The following COX7A2L variants were observed in gnomAD, a reference collection of about 807,000 sequenced individuals.
The protein encoded by COX7A2L is cytochrome c oxidase subunit 7A2 like.
A neutral mutation model predicts 14.2 loss-of-function variants in COX7A2L; 18 were observed. That is an observed-to-expected ratio of 1.27 (90% CI 0.88 to 1.88). COX7A2L has a LOEUF of 1.88. Among genes scored for constraint, COX7A2L ranks in the 40% most tolerant of loss-of-function variants. The pLI is 0.00. For synonymous variants in COX7A2L, 65 were observed against 57.4 expected, an observed-to-expected ratio of 1.13 and a Z score of -0.60; for missense variants, 179 against 138.8, an observed-to-expected ratio of 1.29 and a Z score of -1.46.
At chr2:42,360,605 C>G (rs1389700026) in intron 1 of COX7A2L, among the ~76,000 whole-genome samples, 1 of 152,154 alleles carries the variant, frequency 6.6e-6, no homozygotes, top group Non-Finnish European at 1.5e-5. Flanking sequence ...ATTTCCCAAC[C>G]CAGATCATAG....
rs1419764071 is a variant in COX7A2L, at chr2:42,350,731, C to A, written c.*488G>T. 1 of 152,210 alleles carries A rather than the reference C, an allele frequency of 6.6e-6. No homozygotes were observed. The highest frequency in any genetic ancestry group is 2.4e-5 in the African/African-American group (1 of 41,422). 9.4% of individuals were successfully genotyped at this position (152,210 alleles called of 1,614,324 possible). On this transcript the variant is annotated 3_prime_UTR_variant, in exon 3 of 3. Coordinates refer to ENST00000234301, the MANE Select transcript of COX7A2L (RefSeq NM_004718.4). Reference sequence around the variant, plus strand: ...TAACCCTTTGAAATTACCTGCCCAACAAATAGAGGCAGGCTACATTAATTT... The same window carrying A: ...TAACCCTTTGAAATTACCTGCCCAAAAAATAGAGGCAGGCTACATTAATTT...
In COX7A2L at chr2:42,342,329, T is replaced by C. The variant is rs1670417835; in HGVS notation, c.193-8460A>G. ...CCTAGGAGAGCTGAGACGAGGGACT[T>C]GAGCTCTCTGCTTGGCAAGATGCCC... On this transcript the variant is annotated intron_variant, in intron 2 of 2. Coordinates refer to the COX7A2L transcript ENST00000468711. The surrounding 1 kb of genome is among the most constrained non-coding windows in gnomAD (Gnocchi z 4.9). Among the ~76,000 whole-genome samples the C allele has an allele frequency of 6.6e-6, 1 of 152,116 alleles. No individual in the cohort carries two copies. The highest frequency in any genetic ancestry group is 1.5e-5 in the Non-Finnish European group (1 of 68,016).
At chr2:42,340,641 C>T (rs112090317) in intron 2 of COX7A2L, among the ~76,000 whole-genome samples, 71 of 152,254 alleles carry the variant, frequency 4.7e-4, no homozygotes, top group East Asian at 3.9e-3. Flanking sequence ...TGCCCTCACA[C>T]CTCAGTGCAT....
At chr2:42,346,279 G>C (rs534679952), downstream of COX7A2L, among the ~76,000 whole-genome samples, 1 of 152,200 alleles carries the variant, frequency 6.6e-6, no homozygotes, top group African/African-American at 2.4e-5. Context: ...ATAATCAAGA[G>C]AGTGACAGAA....
Position 42,339,059 on chromosome 2 carries a change from AG to A in COX7A2L, c.193-5191del, listed in dbSNP as rs2103872610. ...GCCATGGGCAACGCAACAGATTGTG[AG>A]GAAACCCTGCAGATGGCTCCGTTAA... On this transcript the variant is annotated intron_variant, in intron 2 of 2. Transcript: ENST00000468711. This position sits in a 1 kb window ranked among gnomAD's most constrained non-coding sequence, Gnocchi z 5.4. Among the ~76,000 whole-genome samples the A allele has an allele frequency of 6.6e-6, 1 of 152,344 alleles. No individual in the cohort carries two copies. The highest frequency in any genetic ancestry group is 1.9e-4 in the East Asian group (1 of 5,188).
downstream of COX7A2L, among the ~76,000 whole-genome samples, chr2:42,348,903 C>T (rs1005398501): frequency 8.6e-5 from 13 of 151,608 alleles, no homozygotes; most frequent in Admixed American, 7.2e-4. Context: ...GGAGACAGAG[C>T]AAGACTCCAT....
chr2:42,356,821 GA>G (rs1670832969), intron 1 of COX7A2L, among the ~76,000 whole-genome samples: 1 of 152,180 alleles, frequency 6.6e-6, no homozygotes, highest in Admixed American at 6.5e-5. Context: ...AGCTACTTAG[GA>G]GGCTGAGGTG....
downstream of COX7A2L, among the ~76,000 whole-genome samples, chr2:42,345,532 C>T (rs987261286): frequency 6.6e-6 from 1 of 151,928 alleles, no homozygotes; most frequent in African/African-American, 2.4e-5. Flanking sequence ...CCAATATTTG[C>T]ACATATTCCT....
chr2:42,363,856 A>G (rs1250468608), upstream of COX7A2L, among the ~76,000 whole-genome samples: 1 of 152,202 alleles, frequency 6.6e-6, no homozygotes, highest in Non-Finnish European at 1.5e-5. Flanking sequence ...GAGTGAGTGC[A>G]AATGCCAGTC....
intron 1 of COX7A2L, 21 bp downstream of exon 1, chr2:42,361,069 C>T: frequency 1.2e-6 from 2 of 1,612,230 alleles, no homozygotes; most frequent in African/African-American, 1.3e-5. Flanking sequence ...CATGTCCGAG[C>T]TGGCCAGGCG....
rs1453959996 is a variant in COX7A2L, at chr2:42,353,355, A to C, written c.73-12T>G. On this transcript the variant is annotated splice_polypyrimidine_tract_variant and intron_variant, in intron 1 of 2. Coordinates refer to ENST00000234301, the MANE Select transcript of COX7A2L (RefSeq NM_004718.4). ...ACAGGCTTTAATCCCTGTAGAGAAA[A>C]AAAGGAAAATGGCAAGTTGAAAGTA... 6.2e-7 allele frequency: 1 copy of C among 1,611,866 alleles called. No homozygotes were observed. The highest frequency in any genetic ancestry group is 2.2e-5 in the East Asian group (1 of 44,856).
intron 2 of COX7A2L, among the ~76,000 whole-genome samples, chr2:42,341,096 C>G (rs1012068100): frequency 1.3e-5 from 2 of 152,124 alleles, no homozygotes; most frequent in African/African-American, 4.8e-5. Flanking sequence ...AGAAAACAAA[C>G]AGAAAAAATA....
intron 2 of COX7A2L, among the ~76,000 whole-genome samples, chr2:42,337,933 A>G (rs1030977988): frequency 1.3e-5 from 2 of 152,120 alleles, no homozygotes; most frequent in Admixed American, 6.5e-5. Context: ...CTGGCTTTCT[A>G]GCGCCCGCTC....
chr2:42,358,517 A>G (rs1268416542), intron 1 of COX7A2L, among the ~76,000 whole-genome samples: 1 of 152,210 alleles, frequency 6.6e-6, no homozygotes, highest in African/African-American at 2.4e-5. Context: ...AAGTACTCCT[A>G]ATTACCAAAG....
At chr2:42,337,034 G>T (rs1670292230) in intron 2 of COX7A2L, among the ~76,000 whole-genome samples, 1 of 152,176 alleles carries the variant, frequency 6.6e-6, no homozygotes, top group Admixed American at 6.5e-5. Flanking sequence ...GCAAAGTCAG[G>T]TTCCCTCAAA....
downstream of COX7A2L, among the ~76,000 whole-genome samples, chr2:42,348,286 G>A (rs1190088914): frequency 6.6e-6 from 1 of 152,176 alleles, no homozygotes; most frequent in Non-Finnish European, 1.5e-5. Context: ...GCAAACTGCT[G>A]AGGACACGAT....
chr2:42,347,069 T>C (rs1307923015), downstream of COX7A2L, among the ~76,000 whole-genome samples: 1 of 152,188 alleles, frequency 6.6e-6, no homozygotes, highest in Non-Finnish European at 1.5e-5. Flanking sequence ...TTTCACCATG[T>C]TGCCCAGGCT....
chr2:42,355,869 G>A (rs1398203024), intron 1 of COX7A2L, among the ~76,000 whole-genome samples: 1 of 151,652 alleles, frequency 6.6e-6, no homozygotes, highest in Non-Finnish European at 1.5e-5. Context: ...GGGACTACAG[G>A]TGCACGCCAC....
chr2:42,344,166 T>C (rs1445571087), intron 2 of COX7A2L, among the ~76,000 whole-genome samples: 5 of 152,262 alleles, frequency 3.3e-5, no homozygotes, highest in Non-Finnish European at 7.3e-5. Context: ...GCAAAAAGTA[T>C]AGTTTCTATT....
Sources: gnomAD v4.1 joint callset for allele counts (sites outside exome capture counted in the v4.1 genomes callset) on GRCh38, gnomAD v4.1.1 for gene constraint, Gnocchi (gnomAD v3.1) non-coding constraint, MANE v1.5 for transcripts, NCBI Gene and HGNC (gene_info 2026-07-23, HGNC 2026-07-21) for gene names.